HIVEP1: variants seen among roughly 807,000 people sequenced by gnomAD.
HIVEP1 encodes HIVEP zinc finger 1.
In HIVEP1, 36 loss-of-function variants were observed where a neutral mutation model predicts 180.0. The ratio of observed to expected loss-of-function variants is 0.20; its 90% confidence interval spans 0.15 to 0.26. The LOEUF (loss-of-function observed/expected upper bound fraction) is 0.26. HIVEP1 is among the 10% of genes least tolerant of loss of function. HIVEP1 has a pLI of 1.00. For synonymous variants in HIVEP1, 1,239 were observed against 1,239.0 expected, an observed-to-expected ratio of 1.00 and a Z score of 0.00; for missense variants, 3,143 against 3,268.7, an observed-to-expected ratio of 0.96 and a Z score of 0.94.
Position 12,163,565 on chromosome 6 carries a change from G to C in HIVEP1, c.7261G>C (p.Ala2421Pro), listed in dbSNP as rs374937963. Residue 2421 changes from alanine to proline, a missense_variant, in exon 9 of 9, where the codon GCT becomes CCT. Physicochemically the swap from Ala to Pro is conservative, Grantham distance 27. This residue lies in a region of HIVEP1 where 595 missense variants were observed against 602.2 expected (regional missense o/e 0.99). Transcript: ENST00000379388. ...ATACTCCACGTTTGTGCCCCTTCAG[G>C]CTGGACCAGTGCAGCTCACGATCCC... ...LTYSTFVPLQ[A>P]GPVQLTIPAV... is the part of the protein sequence containing the mutation. 1.4e-5 allele frequency: 23 copies of C among 1,614,172 alleles called. No individual in the cohort carries two copies. In the African/African-American group the frequency reaches 3.1e-4, roughly 22 times the overall value.
upstream of HIVEP1, among the ~76,000 whole-genome samples, chr6:12,011,272 CCCCCCCCCCCCCGCCT>C (rs1767271426): frequency 4.5e-5 from 2 of 44,018 alleles, no homozygotes; most frequent in African/African-American, 1.4e-4. Flanking sequence ...CCTTGGGGTC[CCCCCCCCCCCCCGCCT>C]CCCCCTCCCC....
intron 2 of HIVEP1, among the ~76,000 whole-genome samples, chr6:12,034,249 ATG>A (rs1405131807): frequency 2.7e-4 from 41 of 152,314 alleles, no homozygotes; most frequent in African/African-American, 9.1e-4. Context: ...ACTGATATAA[ATG>A]TGTCTCTTGA....
chr6:12,200,314 A>G, the HIVEP1 span, among the ~76,000 whole-genome samples: 1 of 152,226 alleles, frequency 6.6e-6, no homozygotes, highest in African/African-American at 2.4e-5. Flanking sequence ...CTTAATCTGT[A>G]TGCAATTAAA....
At chr6:12,100,395 C>G (rs2113389623) in intron 3 of HIVEP1, among the ~76,000 whole-genome samples, 1 of 152,272 alleles carries the variant, frequency 6.6e-6, no homozygotes, top group Non-Finnish European at 1.5e-5. Flanking sequence ...TTGCAGAATT[C>G]CTGAATATTT....
chr6:12,121,436 A>G lies in HIVEP1; in HGVS notation c.1641A>G (p.Leu547=), dbSNP rs41273116. 2.4e-4 allele frequency: 393 copies of G among 1,614,156 alleles called. No homozygotes were observed. The highest frequency in any genetic ancestry group is 3.2e-4 in the Non-Finnish European group (376 of 1,180,008). Residue 547 remains leucine (L), a synonymous_variant, in exon 4 of 9, where the codon CTA becomes CTG. Coordinates refer to ENST00000379388, the MANE Select transcript of HIVEP1 (RefSeq NM_002114.4). The surrounding 1 kb of genome is among the most constrained non-coding windows in gnomAD (Gnocchi z 5.3). ...SPENVIGDFL[L]QDRSAESQAV... ...AAAATGTGATAGGTGACTTTTTGCT[A>G]CAGGACAGATCTGCAGAATCACAAG...
At chr6:12,046,685 A>G (rs908980358) in intron 2 of HIVEP1, among the ~76,000 whole-genome samples, 4 of 151,722 alleles carry the variant, frequency 2.6e-5, no homozygotes, top group African/African-American at 9.7e-5. Context: ...AGGCTGAGGC[A>G]GGAGAATCAC....
At chr6:12,025,237 T>C (rs1768500619) in intron 2 of HIVEP1, among the ~76,000 whole-genome samples, 2 of 152,198 alleles carry the variant, frequency 1.3e-5, no homozygotes, top group South Asian at 4.1e-4. Flanking sequence ...TTAGAAATGC[T>C]CTCCATCCCA....
chr6:12,161,836 C>T lies in HIVEP1; in HGVS notation c.6885C>T (p.Ser2295=), dbSNP rs775683764. Residue 2295 remains serine, a synonymous_variant, in exon 8 of 9, where the codon TCC becomes TCT. Coordinates refer to ENST00000379388, the MANE Select transcript of HIVEP1 (RefSeq NM_002114.4). The stretch of plus-strand genomic sequence containing the variant: ...ACACAATTCCGTCTGTAGACACTTC[C>T]AGGTCCCCGTGTCATCAGATGTCTG... ...ENDTIPSVDT[S]RSPCHQMSVD... The T allele has an allele frequency of 2.5e-6, 4 of 1,614,078 alleles. No homozygotes were observed. The South Asian group carries it at 4.4e-5, about 18-fold the overall frequency.
intron 3 of HIVEP1, among the ~76,000 whole-genome samples, chr6:12,111,536 C>G (rs1774891835): frequency 6.6e-6 from 1 of 152,216 alleles, no homozygotes; most frequent in South Asian, 2.1e-4. Context: ...AGAATTTAGT[C>G]CTGTAGCTGT....
chr6:12,112,389 C>G (rs1774953009), intron 3 of HIVEP1, among the ~76,000 whole-genome samples: 1 of 151,738 alleles, frequency 6.6e-6, no homozygotes, highest in Non-Finnish European at 1.5e-5. Flanking sequence ...TCTTCTTTTT[C>G]TCAGTATTTT....
rs2113512085 is a variant in HIVEP1 at position 12,121,299 on chromosome 6, G to A, written c.1504G>A (p.Asp502Asn). Residue 502 changes from aspartate to asparagine, a missense_variant, in exon 4 of 9, where the codon GAT (aspartate) becomes AAT (asparagine). Physicochemically the swap from Asp to Asn is conservative, Grantham distance 23 (BLOSUM62 1). Coordinates refer to ENST00000379388, the MANE Select transcript of HIVEP1 (RefSeq NM_002114.4). The surrounding 1 kb of genome is among the most constrained non-coding windows in gnomAD (Gnocchi z 5.3). Reference sequence around the variant, plus strand: ...GGAGAGCGAGGAGGAAGGCGCCACTGATGAGAGACAGCATGACCTGGGCGC... The same window carrying A: ...GGAGAGCGAGGAGGAAGGCGCCACTAATGAGAGACAGCATGACCTGGGCGC... ...SGESEEEGAT[D>N]ERQHDLGAME... 1 of 1,614,200 alleles carries A rather than the reference G, an allele frequency of 6.2e-7. No individual in the cohort carries two copies. The highest frequency in any genetic ancestry group is 1.3e-5 in the African/African-American group (1 of 75,050).
At chr6:12,112,259 T>C (rs979544865) in intron 3 of HIVEP1, among the ~76,000 whole-genome samples, 1 of 152,174 alleles carries the variant, frequency 6.6e-6, no homozygotes, top group Non-Finnish European at 1.5e-5. Flanking sequence ...TCTGCTTTAA[T>C]TTTTATCTTT....
chr6:12,138,889 C>T (rs1175874096), intron 7 of HIVEP1, among the ~76,000 whole-genome samples: 1 of 151,780 alleles, frequency 6.6e-6, no homozygotes, highest in East Asian at 1.9e-4. Context: ...ATCCTTGATG[C>T]CCATCTTTCT....
intron 3 of HIVEP1, among the ~76,000 whole-genome samples, chr6:12,108,257 T>G (rs1269526082): frequency 6.6e-6 from 1 of 152,182 alleles, no homozygotes; most frequent in Non-Finnish European, 1.5e-5. Flanking sequence ...ATTGGTGTAT[T>G]TACAATCCCT....
At chr6:12,082,439 T>A (rs1772846915) in intron 2 of HIVEP1, among the ~76,000 whole-genome samples, 1 of 152,162 alleles carries the variant, frequency 6.6e-6, no homozygotes, top group Non-Finnish European at 1.5e-5. Context: ...ACTTCTTTCA[T>A]AGTCTCAGGA....
chr6:12,110,828 C>CT (rs1461817851), intron 3 of HIVEP1, among the ~76,000 whole-genome samples: 1 of 152,242 alleles, frequency 6.6e-6, no homozygotes, highest in African/African-American at 2.4e-5. Flanking sequence ...AGCCTTCAGC[C>CT]TATCTCAGCT....
At chr6:12,187,145 T>A in the HIVEP1 span, among the ~76,000 whole-genome samples, 3 of 152,118 alleles carry the variant, frequency 2.0e-5, no homozygotes, top group African/African-American at 7.2e-5. Context: ...CAAGTGGTAA[T>A]CGGGGTCATA....
chr6:12,173,841 C>T, the HIVEP1 span, among the ~76,000 whole-genome samples: 2 of 152,128 alleles, frequency 1.3e-5, no homozygotes, highest in African/African-American at 4.8e-5. Context: ...GACATCAGGG[C>T]TTTACATTCC....
intron 7 of HIVEP1, among the ~76,000 whole-genome samples, chr6:12,142,118 G>T (rs571278113): frequency 6.6e-6 from 1 of 152,240 alleles, no homozygotes; most frequent in African/African-American, 2.4e-5. Flanking sequence ...TTCTAAAATT[G>T]ACCACATAGT....
Sources: allele counts gnomAD v4.1 joint callset (sites outside exome capture counted in the v4.1 genomes callset), GRCh38; gene constraint gnomAD v4.1.1; regional missense constraint gnomAD v4.1.1; non-coding constraint Gnocchi (gnomAD v3.1); transcripts MANE v1.5; gene names NCBI Gene and HGNC (gene_info 2026-07-23, HGNC 2026-07-21).